The following TMPRSS6 variants were observed in gnomAD, a reference collection of about 807,000 sequenced individuals.
TMPRSS6 encodes transmembrane protease serine 6.
In TMPRSS6, 67 loss-of-function variants were observed where a neutral mutation model predicts 101.5. That is an observed-to-expected ratio of 0.66 (90% CI 0.54 to 0.81). The LOEUF is 0.81. Among genes scored for constraint, TMPRSS6 ranks in the 30% least tolerant of loss-of-function variants. TMPRSS6 has a pLI of 0.00. For missense variants in TMPRSS6, 1,034 were observed against 1,088.7 expected, an observed-to-expected ratio of 0.95 and a Z score of 0.71; for synonymous variants, 453 against 464.9, an observed-to-expected ratio of 0.97 and a Z score of 0.33.
chr22:37,092,095 T>A (rs1601557416), intron 6 of TMPRSS6, among the ~76,000 whole-genome samples: 2 of 151,808 alleles, frequency 1.3e-5, no homozygotes, highest in Admixed American at 1.3e-4. Flanking sequence ...ATTACCCTTT[T>A]TTTTTTTTTT....
In TMPRSS6 at chr22:37,065,868, A is replaced by T. The variant is rs781781005; in HGVS notation, c.*212T>A. On this transcript the variant is annotated 3_prime_UTR_variant, in exon 18 of 18. Coordinates refer to ENST00000676104, the MANE Select transcript of TMPRSS6 (RefSeq NM_001374504.1). ...GGGCTGGGTGTGGGCCTGGGTCCTC[A>T]GGGGACGTCTTGACCCCCAGCTGCT... The T allele has an allele frequency of 8.9e-5, 56 of 628,190 alleles. No homozygotes were observed. Among genetic ancestry groups the T allele is most frequent in the Non-Finnish European group, 1.5e-4 (54 of 360,496 alleles). The allele number at this position is 628,190 out of a possible 1,614,324, so 38.9% of individuals were successfully genotyped here.
chr22:37,078,878 G>A (rs990854627), intron 10 of TMPRSS6, among the ~76,000 whole-genome samples: 1 of 145,098 alleles, frequency 6.9e-6, no homozygotes, highest in African/African-American at 2.6e-5. Context: ...GAGGAAGGGA[G>A]AAGAAGGGAA....
chr22:37,074,464 C>G, intron 12 of TMPRSS6, 146 bp downstream of exon 12: 3 of 778,340 alleles, frequency 3.9e-6, no homozygotes, highest in Admixed American at 2.3e-5. Context: ...TTTGCCACCC[C>G]GGCACAGTGA....
chr22:37,075,547 T>A (rs952542615), intron 10 of TMPRSS6, among the ~76,000 whole-genome samples: 1 of 152,222 alleles, frequency 6.6e-6, no homozygotes, highest in African/African-American at 2.4e-5. Context: ...CAGTCACCTG[T>A]GAACTGTGAG....
chr22:37,091,179 C>G (rs182057989), intron 6 of TMPRSS6, among the ~76,000 whole-genome samples: 209 of 152,340 alleles, frequency 1.4e-3, no homozygotes, highest in African/African-American at 4.8e-3. Context: ...AACATGTTCT[C>G]TCCCGTGGAG....
chr22:37,065,905 A>G lies in TMPRSS6; in HGVS notation c.*175T>C. The G allele has an allele frequency of 2.4e-6, 2 of 818,736 alleles. No individual in the cohort carries two copies. Among genetic ancestry groups the G allele is most frequent in the Non-Finnish European group, 1.9e-6 (1 of 522,984 alleles). 50.7% of individuals were successfully genotyped at this position (818,736 alleles called of 1,614,324 possible). ...GACCCCCAGCTGCTGGCACTTCTCCATCCTCCTGCCATCACTGGAGCAGAC... is the reference window on the plus strand; with the variant it reads ...GACCCCCAGCTGCTGGCACTTCTCCGTCCTCCTGCCATCACTGGAGCAGAC... On this transcript the variant is annotated 3_prime_UTR_variant, in exon 18 of 18. Transcript: ENST00000676104.
chr22:37,071,135 G>C, intron 13 of TMPRSS6, 103 bp from the exon 14 acceptor site: 2 of 1,010,856 alleles, frequency 2.0e-6, no homozygotes, highest in Non-Finnish European at 3.0e-6. Context: ...GAAGAGCCAG[G>C]AGGTGACTAG....
chr22:37,084,484 A>G (rs1928532360), intron 9 of TMPRSS6, 80 bp from the exon 10 acceptor site: 2 of 1,063,124 alleles, frequency 1.9e-6, no homozygotes, highest in Non-Finnish European at 2.9e-6. Context: ...CAACAAAGAG[A>G]AGGAAACACA....
chr22:37,084,697 G>A (rs1298470443), intron 9 of TMPRSS6, 30 bp downstream of exon 9: 2 of 1,522,112 alleles, frequency 1.3e-6, no homozygotes, highest in Non-Finnish European at 8.9e-7. Flanking sequence ...TGCGGCAGAG[G>A]GCAGGTGGGC....
chr22:37,072,329 AATGGATGGATGATGGATGG>A (rs1927077864), intron 13 of TMPRSS6, among the ~76,000 whole-genome samples: 1 of 37,530 alleles, frequency 2.7e-5, no homozygotes, highest in Non-Finnish European at 5.4e-5. Context: ...ATGATGGATG[AATGGATGGATGATGGATGG>A]ATGGATGGAT....
At position 37,092,121 on chromosome 22, in the gene TMPRSS6, G is replaced by C. The variant is rs574761917; in HGVS notation, c.632-2339C>G. 1.0e-4 allele frequency among the ~76,000 whole-genome samples: 15 copies of C among 150,174 alleles called. No individual in the cohort carries two copies. In the East Asian group the frequency reaches 2.7e-3, roughly 27 times the overall value. On this transcript the variant is annotated intron_variant, in intron 6 of 17. Transcript: ENST00000676104. ...TTTTTTTTTTGAGACGAATTCCGTG[G>C]AGAGGTGTGTGCTAACCTCTTGTTA...
In TMPRSS6 at chr22:37,103,290, C is replaced by A. The variant is rs772488299; in HGVS notation, c.128G>T (p.Arg43Leu). The part of the protein sequence containing the change: ...DSKRKARGYL[R>L]LVPLFVLLAL... ...CAGCAGCACAAACAGGGGCACCAGG[C>A]GGAGGTAGCCCCGGGCTTTTCTCTT... is the stretch of plus-strand genomic sequence containing the variant. The change falls in exon 2 of 18, where the codon CGC becomes CTC. Residue 43 changes from arginine (R) to leucine (L), a missense_variant. Physicochemically the swap from Arg to Leu is moderately radical, Grantham distance 102 (BLOSUM62 -2). Coordinates refer to ENST00000676104, the MANE Select transcript of TMPRSS6 (RefSeq NM_001374504.1). The surrounding 1 kb of genome is among the most constrained non-coding windows in gnomAD (Gnocchi z 4.4). 2.5e-6 allele frequency: 4 copies of A among 1,614,038 alleles called. No homozygotes were observed. Among genetic ancestry groups the A allele is most frequent in the Non-Finnish European group, 3.4e-6 (4 of 1,180,006 alleles).
intron 16 of TMPRSS6, among the ~76,000 whole-genome samples, chr22:37,067,347 G>A (rs1445723997): frequency 6.6e-6 from 1 of 152,146 alleles, no homozygotes; most frequent in East Asian, 1.9e-4. Context: ...GCACATGCCT[G>A]TAATCCCAGT....
At position 37,103,352 on chromosome 22, in the gene TMPRSS6, C is replaced by T. The variant is rs763330682; in HGVS notation, c.66G>A (p.Ala22=). Residue 22 remains alanine, a synonymous_variant, in exon 2 of 18, where the codon GCG becomes GCA. Coordinates refer to ENST00000676104, the MANE Select transcript of TMPRSS6 (RefSeq NM_001374504.1). The surrounding 1 kb of genome is among the most constrained non-coding windows in gnomAD (Gnocchi z 4.4). ...AGGCCTTGAACATCCCCTCCGGCTCCGCTTCCTCGCCATCACCTCCGTCCC... is the reference window on the plus strand; with the variant it reads ...AGGCCTTGAACATCCCCTCCGGCTCTGCTTCCTCGCCATCACCTCCGTCCC... ...GQGDGGDGEE[A]EPEGMFKACE... is the part of the protein sequence containing the mutation. 29 of 1,614,114 alleles carry T rather than the reference C, an allele frequency of 1.8e-5. No homozygotes were observed. Among genetic ancestry groups the T allele is most frequent in the South Asian group, 2.2e-5 (2 of 91,090 alleles).
At chr22:37,077,549 C>T (rs959902054) in intron 10 of TMPRSS6, among the ~76,000 whole-genome samples, 5 of 152,176 alleles carry the variant, frequency 3.3e-5, no homozygotes, top group African/African-American at 9.7e-5. Flanking sequence ...AGGTGACAGG[C>T]GAGTTTTCCA....
chr22:37,098,595 A>C (rs1930036175), intron 2 of TMPRSS6, 46 bp from the exon 3 acceptor site: 1 of 1,613,776 alleles, frequency 6.2e-7, no homozygotes, highest in African/African-American at 1.3e-5. Flanking sequence ...AGCAGGTGGG[A>C]AAGTCTCCTG....
At chr22:37,099,990 A>G (rs1930159660) in intron 2 of TMPRSS6, among the ~76,000 whole-genome samples, 2 of 151,842 alleles carry the variant, frequency 1.3e-5, no homozygotes, top group Non-Finnish European at 2.9e-5. Context: ...TTTTTGAGAC[A>G]GAGTTTCGCT....
Position 37,103,530 on chromosome 22 carries a change from G to C in TMPRSS6, c.-1-112C>G, listed in dbSNP as rs1312508701. The C allele has an allele frequency of 6.8e-6, 11 of 1,614,118 alleles. No homozygotes were observed. The highest frequency in any genetic ancestry group is 8.5e-6 in the Non-Finnish European group (10 of 1,180,034). ...CTTCCCTGCCTTTTGGAGTGGAAGA[G>C]TAACAACATCAGGCGGCAGTGACTG... On this transcript the variant is annotated intron_variant, in intron 1 of 17. Coordinates refer to ENST00000676104, the MANE Select transcript of TMPRSS6 (RefSeq NM_001374504.1). This position sits in a 1 kb window ranked among gnomAD's most constrained non-coding sequence, Gnocchi z 4.4.
rs1270465024 is a variant in TMPRSS6 at position 37,070,475 on chromosome 22, C to T, written c.1841+9G>A. ...CTTACTGCCTAGGCCCCCACACCCT[C>T]CCGCTCACCTGTCCTCCTGGAAGCA... On this transcript the variant is annotated intron_variant, in intron 15 of 17. Coordinates refer to ENST00000676104, the MANE Select transcript of TMPRSS6 (RefSeq NM_001374504.1). 1.2e-6 allele frequency: 2 copies of T among 1,613,330 alleles called. No individual in the cohort carries two copies. Among genetic ancestry groups the T allele is most frequent in the East Asian group, 2.2e-5 (1 of 44,900 alleles).
Sources: gnomAD v4.1 joint callset for allele counts (sites outside exome capture counted in the v4.1 genomes callset) on GRCh38, gnomAD v4.1.1 for gene constraint, Gnocchi (gnomAD v3.1) non-coding constraint, MANE v1.5 for transcripts, NCBI Gene and HGNC (gene_info 2026-07-23, HGNC 2026-07-21) for gene names.